The following SUSD6 variants were observed in gnomAD, a reference collection of about 807,000 sequenced individuals.
SUSD6 encodes sushi domain containing 6, also known as sushi domain-containing protein 6.
SUSD6 carries 16 observed loss-of-function variants against 28.4 expected under a neutral mutation model. The observed-to-expected ratio is 0.56, with a 90% confidence interval of 0.38 to 0.86. SUSD6 has a LOEUF of 0.86. Ranked by LOEUF, SUSD6 falls within the 40% of genes least tolerant of loss-of-function variation. The pLI is 0.00. For missense variants in SUSD6, 341 were observed against 384.2 expected, an observed-to-expected ratio of 0.89 and a Z score of 0.94; for synonymous variants, 147 against 159.6, an observed-to-expected ratio of 0.92 and a Z score of 0.59.
At chr14:69,655,107 A>C (rs912269719) in intron 1 of SUSD6, among the ~76,000 whole-genome samples, 1 of 151,204 alleles carries the variant, frequency 6.6e-6, no homozygotes, top group African/African-American at 2.4e-5. Context: ...CCAATTTCTT[A>C]TGCTTTATTC....
chr14:69,650,446 A>G (rs1455109820), intron 1 of SUSD6, among the ~76,000 whole-genome samples: 1 of 152,164 alleles, frequency 6.6e-6, no homozygotes, highest in Non-Finnish European at 1.5e-5. Flanking sequence ...TAATTTTTCC[A>G]TGATACTGGC....
At chr14:69,622,943 C>T (rs1885062924) in intron 1 of SUSD6, among the ~76,000 whole-genome samples, 1 of 152,180 alleles carries the variant, frequency 6.6e-6, no homozygotes, top group Admixed American at 6.5e-5. Flanking sequence ...ATTGTACTCC[C>T]ATTTTACAAA....
At chr14:69,664,572 C>G (rs1885711070) in intron 2 of SUSD6, among the ~76,000 whole-genome samples, 1 of 152,040 alleles carries the variant, frequency 6.6e-6, no homozygotes, top group South Asian at 2.1e-4. Flanking sequence ...TCTCGATGAA[C>G]CCTAGTGTCA....
At chr14:69,689,929 G>A (rs1326844847) in intron 2 of SUSD6, among the ~76,000 whole-genome samples, 1 of 152,244 alleles carries the variant, frequency 6.6e-6, no homozygotes, top group Non-Finnish European at 1.5e-5. Flanking sequence ...GTCTCCCAAA[G>A]TGCTGGGATT....
chr14:69,646,490 G>A lies in SUSD6; in HGVS notation c.-80-12023G>A, dbSNP rs902952616. The stretch of plus-strand genomic sequence containing the variant: ...TCCCAAGCTCAGAGTGCTCTATAGG[G>A]TTTCACATTCATTTCTAATTTGCCT... On this transcript the variant is annotated intron_variant, in intron 1 of 5. Coordinates refer to ENST00000342745, the MANE Select transcript of SUSD6 (RefSeq NM_014734.4). Among the ~76,000 whole-genome samples the A allele has an allele frequency of 2.6e-5, 4 of 152,126 alleles. No homozygotes were observed. The South Asian group carries it at 8.3e-4, about 32-fold the overall frequency.
intron 2 of SUSD6, among the ~76,000 whole-genome samples, chr14:69,682,922 G>A (rs940772483): frequency 6.6e-6 from 1 of 150,732 alleles, no homozygotes. Flanking sequence ...CCCTGGCAGG[G>A]AAGCTGTTCT....
At chr14:69,705,812 G>A (rs1328351270) in intron 4 of SUSD6, among the ~76,000 whole-genome samples, 2 of 152,212 alleles carry the variant, frequency 1.3e-5, no homozygotes, top group Non-Finnish European at 2.9e-5. Context: ...AGTTGTCTAG[G>A]GGCGAGGAGC....
At chr14:69,621,969 A>C (rs1401855735) in intron 1 of SUSD6, among the ~76,000 whole-genome samples, 1 of 152,190 alleles carries the variant, frequency 6.6e-6, no homozygotes, top group Admixed American at 6.5e-5. Flanking sequence ...TGAATAGTGA[A>C]GGTATTAGGA....
rs145936627 is a variant in SUSD6 at position 69,658,702 on chromosome 14, G to T, written c.110G>T (p.Gly37Val). ...ATCCTTTGCACCCTGCTTGGAGACGGACTTGCTTCCGGTAAGTCCTGACCT... is the reference window on the plus strand; with the variant it reads ...ATCCTTTGCACCCTGCTTGGAGACGTACTTGCTTCCGGTAAGTCCTGACCT... ...LVILCTLLGD[G>V]LASVCPLPPE... is the part of the protein sequence containing the mutation. The change falls in exon 2 of 6, where the codon GGA becomes GTA. Residue 37 changes from glycine (G) to valine (V), a missense_variant. Transcript: ENST00000342745. 982 of 1,613,902 alleles carry T rather than the reference G, an allele frequency of 6.1e-4. 7 individuals carry two copies. The highest frequency in any genetic ancestry group is 3.0e-4 in the Non-Finnish European group (357 of 1,179,932).
At chr14:69,648,453 G>A (rs190089445) in intron 1 of SUSD6, among the ~76,000 whole-genome samples, 1 of 152,228 alleles carries the variant, frequency 6.6e-6, no homozygotes, top group Admixed American at 6.5e-5. Flanking sequence ...GGTCATTTTT[G>A]TCTTATTTCT....
chr14:69,703,336 G>A, intron 2 of SUSD6, 59 bp from the exon 3 acceptor site: 2 of 1,367,638 alleles, frequency 1.5e-6, no homozygotes, highest in Admixed American at 3.6e-5. Flanking sequence ...GCGTCACTGA[G>A]AGCAGACTCC....
rs1229390361 is a variant in SUSD6 at position 69,658,586 on chromosome 14, A to G, written c.-7A>G. The stretch of plus-strand genomic sequence containing the variant: ...TTTCTTTTTAAAAAAACTTGGACGG[A>G]TAAAAGATGTGCCATGGCAGGATAG... On this transcript the variant is annotated 5_prime_UTR_variant, in exon 2 of 6. Coordinates refer to ENST00000342745, the MANE Select transcript of SUSD6 (RefSeq NM_014734.4). 4 of 1,613,858 alleles carry G rather than the reference A, an allele frequency of 2.5e-6. No homozygotes were observed. The highest frequency in any genetic ancestry group is 2.5e-6 in the Non-Finnish European group (3 of 1,179,966).
intron 1 of SUSD6, among the ~76,000 whole-genome samples, chr14:69,641,213 G>A (rs1885347177): frequency 6.6e-6 from 1 of 152,072 alleles, no homozygotes; most frequent in South Asian, 2.1e-4. Flanking sequence ...TTAACATTTC[G>A]ATTATGATGT....
In SUSD6 at chr14:69,707,010, TA is replaced by T. The variant is rs535172609; in HGVS notation, c.459-1653del. On this transcript the variant is annotated intron_variant, in intron 4 of 5. Coordinates refer to ENST00000342745, the MANE Select transcript of SUSD6 (RefSeq NM_014734.4). The stretch of plus-strand genomic sequence containing the variant: ...TTTGAGACAGCTGGCCTGGACTCTT[TA>T]AAAAAAAAAAAAAGCCAATGTCATG... Among the ~76,000 whole-genome samples, 590 of 137,436 alleles carry T rather than the reference TA, an allele frequency of 4.3e-3. 4 individuals are homozygous for T. Among genetic ancestry groups the T allele is most frequent in the Admixed American group, 0.015 (207 of 13,874 alleles). 90.2% of individuals were successfully genotyped at this position (137,436 alleles called of 152,430 possible). A position where few individuals can be genotyped will look rare whatever the true frequency, so the allele number is the denominator to read the frequency against.
intron 2 of SUSD6, among the ~76,000 whole-genome samples, chr14:69,665,585 A>G (rs551104933): frequency 4.6e-5 from 7 of 152,334 alleles, no homozygotes; most frequent in East Asian, 1.9e-4. Context: ...GATTGTCCCT[A>G]GGATTTCTTC....
At chr14:69,695,273 C>T (rs1487907070) in intron 2 of SUSD6, among the ~76,000 whole-genome samples, 2 of 152,190 alleles carry the variant, frequency 1.3e-5, no homozygotes, top group Admixed American at 1.3e-4. Context: ...AGTAGTGGGA[C>T]TCCTGCCTGT....
chr14:69,703,445 C>T lies in SUSD6; in HGVS notation c.172C>T (p.Arg58Trp), dbSNP rs767323447. The T allele has an allele frequency of 4.3e-5, 70 of 1,614,046 alleles. No homozygotes were observed. Among genetic ancestry groups the T allele is most frequent in the Non-Finnish European group, 5.6e-5 (66 of 1,180,024 alleles). The change falls in exon 3 of 6, where the codon CGG becomes TGG. Residue 58 changes from arginine to tryptophan, a missense_variant. Coordinates refer to ENST00000342745, the MANE Select transcript of SUSD6 (RefSeq NM_014734.4). ...PENGGYICHP[R>W]PCRDPLTAGS... ...GAATGGTGGCTACATCTGCCACCCCCGGCCCTGCAGAGACCCCCTGACAGC... is the reference window on the plus strand; with the variant it reads ...GAATGGTGGCTACATCTGCCACCCCTGGCCCTGCAGAGACCCCCTGACAGC...
In SUSD6 at chr14:69,639,308, C is replaced by T. The variant is rs1222387587; in HGVS notation, c.-80-19205C>T. 1.6e-4 allele frequency among the ~76,000 whole-genome samples: 13 copies of T among 82,278 alleles called. No individual in the cohort carries two copies. The South Asian group carries it at 7.1e-3, about 45-fold the overall frequency. The allele number at this position is 82,278 out of a possible 152,430, so 54.0% of individuals were successfully genotyped here. ...CAGCCTGGGCAACACAGCGAGACTC[C>T]GTCTCAAAAAAAAAAAAAAAAAAAA... On this transcript the variant is annotated intron_variant, in intron 1 of 5. Coordinates refer to ENST00000342745, the MANE Select transcript of SUSD6 (RefSeq NM_014734.4).
intron 4 of SUSD6, among the ~76,000 whole-genome samples, chr14:69,705,589 G>C (rs1886377022): frequency 6.6e-6 from 1 of 152,226 alleles, no homozygotes; most frequent in African/African-American, 2.4e-5. Flanking sequence ...ACCTGGGGGA[G>C]TTTAAAAACA....
Sources: gnomAD v4.1 joint callset for allele counts (sites outside exome capture counted in the v4.1 genomes callset) on GRCh38, gnomAD v4.1.1 for gene constraint, MANE v1.5 for transcripts, NCBI Gene and HGNC (gene_info 2026-07-23, HGNC 2026-07-21) for gene names.